Variants in AOAH observed in about 807,000 individuals in gnomAD.
AOAH encodes acyloxyacyl hydrolase, also known as acyloxyacyl hydrolase (neutrophil).
Under a neutral mutation model 92.2 loss-of-function variants are expected in AOAH, and 64 were observed. The observed-to-expected ratio is 0.69, with a 90% CI of 0.57 to 0.86. AOAH has a LOEUF of 0.86. Ranked by LOEUF, AOAH falls within the 40% of genes least tolerant of loss-of-function variation. The probability of loss-of-function intolerance (pLI) is 0.00; values close to 1 mark genes in which losing one functional copy is unlikely to be tolerated. For missense variants in AOAH, 656 were observed against 694.6 expected, an observed-to-expected ratio of 0.94 and a Z score of 0.62; for synonymous variants, 263 against 254.5, an observed-to-expected ratio of 1.03 and a Z score of -0.32.
At chr7:36,679,502 T>C (rs1007387935) in intron 2 of AOAH, among the ~76,000 whole-genome samples, 3 of 130,246 alleles carry the variant, frequency 2.3e-5, no homozygotes, top group African/African-American at 8.8e-5. Flanking sequence ...GCTTAGGACA[T>C]TTTATTTGAT....
intron 16 of AOAH, among the ~76,000 whole-genome samples, chr7:36,536,051 G>C (rs2116099615): frequency 6.6e-6 from 1 of 152,328 alleles, no homozygotes; most frequent in South Asian, 2.1e-4. Flanking sequence ...ACCTGGCTGA[G>C]GAGGGATGCG....
chr7:36,579,754 C>T (rs963794669), intron 12 of AOAH, among the ~76,000 whole-genome samples: 1 of 152,180 alleles, frequency 6.6e-6, no homozygotes, highest in African/African-American at 2.4e-5. Context: ...ATGCTGGCAG[C>T]TGATTAGATT....
chr7:36,638,751 G>A (rs1472100007), intron 4 of AOAH, among the ~76,000 whole-genome samples: 1 of 152,224 alleles, frequency 6.6e-6, no homozygotes, highest in East Asian at 1.9e-4. Context: ...CAATTGGAAA[G>A]CTCTGTCTGC....
intron 16 of AOAH, among the ~76,000 whole-genome samples, chr7:36,534,972 CTG>C (rs764646570): frequency 0.034 from 4,705 of 136,590 alleles, 126 homozygotes; most frequent in Non-Finnish European, 0.048. Flanking sequence ...GTCTGTGTCT[CTG>C]TGTGTGTGTT....
intron 12 of AOAH, among the ~76,000 whole-genome samples, chr7:36,589,104 T>C (rs916451435): frequency 3.3e-5 from 5 of 152,146 alleles, no homozygotes; most frequent in Non-Finnish European, 7.3e-5. Flanking sequence ...TCACTTATCC[T>C]TGTCTGCAGA....
intron 13 of AOAH, among the ~76,000 whole-genome samples, chr7:36,562,823 A>G (rs550703534): frequency 2.6e-5 from 4 of 152,014 alleles, no homozygotes; most frequent in African/African-American, 7.3e-5. Context: ...AAATTCACTC[A>G]TGGTAACCCC....
chr7:36,678,954 A>T (rs1019043215), intron 2 of AOAH, among the ~76,000 whole-genome samples: 5 of 152,204 alleles, frequency 3.3e-5, no homozygotes, highest in Non-Finnish European at 7.3e-5. Flanking sequence ...TATACTGTTA[A>T]ACTCTGCCTG....
intron 11 of AOAH, among the ~76,000 whole-genome samples, chr7:36,595,964 C>T (rs1790079031): frequency 6.6e-6 from 1 of 152,214 alleles, no homozygotes; most frequent in South Asian, 2.1e-4. Context: ...TTCCAAATGG[C>T]ACATGCCCCT....
At chr7:36,588,320 A>T (rs1468802630) in intron 12 of AOAH, among the ~76,000 whole-genome samples, 1 of 152,204 alleles carries the variant, frequency 6.6e-6, no homozygotes, top group Non-Finnish European at 1.5e-5. Context: ...TTGTGAAAGT[A>T]GTTTTTCACT....
At chr7:36,531,217 T>C (rs1294559759) in intron 18 of AOAH, among the ~76,000 whole-genome samples, 1 of 152,222 alleles carries the variant, frequency 6.6e-6, no homozygotes, top group Non-Finnish European at 1.5e-5. Flanking sequence ...CATACACATA[T>C]ACTAACTTTG....
chr7:36,539,760 C>CCT (rs1296947395), intron 16 of AOAH, among the ~76,000 whole-genome samples: 7 of 152,162 alleles, frequency 4.6e-5, no homozygotes, highest in African/African-American at 1.7e-4. Flanking sequence ...GGTTAAGGAT[C>CCT]ACACCTTCCT....
At chr7:36,529,246 C>T (rs1457740923) in intron 19 of AOAH, among the ~76,000 whole-genome samples, 8 of 151,798 alleles carry the variant, frequency 5.3e-5, no homozygotes, top group Non-Finnish European at 8.8e-5. Context: ...AAAAAAAGTC[C>T]CATGTGAGTG....
chr7:36,680,119 T>C (rs896545916), intron 2 of AOAH, among the ~76,000 whole-genome samples: 4 of 152,144 alleles, frequency 2.6e-5, no homozygotes, highest in African/African-American at 9.7e-5. Flanking sequence ...AAAGTGAACT[T>C]GTAGCAAGAC....
chr7:36,712,501 G>C (rs1277754190), intron 1 of AOAH, among the ~76,000 whole-genome samples: 5 of 152,080 alleles, frequency 3.3e-5, no homozygotes, highest in Non-Finnish European at 7.4e-5. Flanking sequence ...GAAATGTTTT[G>C]CAAAAATTAA....
chr7:36,539,957 T>C (rs1785311604), intron 16 of AOAH, among the ~76,000 whole-genome samples: 2 of 152,210 alleles, frequency 1.3e-5, no homozygotes, highest in Non-Finnish European at 2.9e-5. Flanking sequence ...AGGAAGCACT[T>C]ACCATTGAGG....
intron 2 of AOAH, among the ~76,000 whole-genome samples, chr7:36,675,106 A>G (rs1332630366): frequency 6.6e-6 from 1 of 152,150 alleles, no homozygotes; most frequent in Non-Finnish European, 1.5e-5. Flanking sequence ...AACACAAAAA[A>G]TTAGCTGGGT....
At chr7:36,535,596 T>G (rs1213198801) in intron 16 of AOAH, among the ~76,000 whole-genome samples, 1 of 152,218 alleles carries the variant, frequency 6.6e-6, no homozygotes, top group Non-Finnish European at 1.5e-5. Context: ...CAGACGAATT[T>G]GCAGCCAGGA....
At chr7:36,549,644 T>C (rs972632146) in intron 13 of AOAH, among the ~76,000 whole-genome samples, 169 bp from the exon 14 acceptor site, 2 of 152,210 alleles carry the variant, frequency 1.3e-5, no homozygotes, top group African/African-American at 4.8e-5. Context: ...GTTTCTGTAG[T>C]GTTTAATCCT....
At chr7:36,539,777 A>T (rs926385160) in intron 16 of AOAH, among the ~76,000 whole-genome samples, 2 of 152,246 alleles carry the variant, frequency 1.3e-5, no homozygotes, top group Non-Finnish European at 2.9e-5. Context: ...TCCTAATGCA[A>T]ATTACTAGCA....
Sources: allele counts gnomAD v4.1 joint callset (sites outside exome capture counted in the v4.1 genomes callset), GRCh38; gene constraint gnomAD v4.1.1; transcripts MANE v1.5; gene names NCBI Gene and HGNC (gene_info 2026-07-23, HGNC 2026-07-21).